CSMD1: variants seen among roughly 807,000 people sequenced by gnomAD.
CSMD1 encodes CUB and Sushi multiple domains 1, also known as CUB and sushi domain-containing protein 1.
Under a neutral mutation model 417.5 loss-of-function variants are expected in CSMD1, and 213 were observed. That is an observed-to-expected ratio of 0.51 (90% CI 0.46 to 0.57). The LOEUF (loss-of-function observed/expected upper bound fraction) is 0.57. Among genes scored for constraint, CSMD1 ranks in the 20% least tolerant of loss-of-function variants. CSMD1 has a pLI of 0.00. For missense variants in CSMD1, 6,923 were observed against 4,529.7 expected, an observed-to-expected ratio of 1.53 and a Z score of -15.17; for synonymous variants, 2,862 against 1,736.8, an observed-to-expected ratio of 1.65 and a Z score of -16.11.
intron 1 of CSMD1, among the ~76,000 whole-genome samples, chr8:4,988,996 T>C (rs1048591153): frequency 6.6e-6 from 1 of 152,222 alleles, no homozygotes; most frequent in African/African-American, 2.4e-5. Context: ...ATAGACATAC[T>C]GGTTAATCAA....
intron 23 of CSMD1, among the ~76,000 whole-genome samples, chr8:3,327,308 A>G (rs960611331): frequency 6.6e-5 from 10 of 152,124 alleles, no homozygotes; most frequent in African/African-American, 2.4e-4. Flanking sequence ...ACATCTGGCT[A>G]ATTTTTTGTA....
intron 2 of CSMD1, among the ~76,000 whole-genome samples, chr8:4,421,699 T>A (rs151109283): frequency 6.6e-6 from 1 of 151,910 alleles, no homozygotes; most frequent in Admixed American, 6.6e-5. Flanking sequence ...GCTGAGAAGG[T>A]AATTAGTCGC....
intron 3 of CSMD1, among the ~76,000 whole-genome samples, chr8:4,221,251 G>A (rs902314610): frequency 1.3e-5 from 2 of 152,148 alleles, no homozygotes; most frequent in South Asian, 4.1e-4. Flanking sequence ...TGTATGAAAT[G>A]TATCAACACC....
chr8:3,181,260 C>G (rs1821305773), intron 36 of CSMD1, 46 bp from the exon 37 acceptor site: 2 of 1,271,538 alleles, frequency 1.6e-6, no homozygotes, highest in African/African-American at 1.5e-5. Context: ...CAAATACATT[C>G]ACTTTTCTAA....
rs533937414 is a variant in CSMD1, at chr8:3,652,037, A to G, written c.1010-35240T>C. ...TACCACCATCAGAGCACTTACTACC[A>G]TCACAGCACCCACCACCATCGCACT... is the stretch of plus-strand genomic sequence containing the variant. On this transcript the variant is annotated intron_variant, in intron 7 of 69. Transcript: ENST00000635120. 1.4e-4 allele frequency among the ~76,000 whole-genome samples: 21 copies of G among 148,730 alleles called. 1 individual carries two copies. Among genetic ancestry groups the G allele is most frequent in the African/African-American group, 5.2e-4 (21 of 40,014 alleles).
At chr8:3,810,150 A>G (rs1157599776) in intron 5 of CSMD1, among the ~76,000 whole-genome samples, 1 of 152,140 alleles carries the variant, frequency 6.6e-6, no homozygotes, top group Admixed American at 6.6e-5. Flanking sequence ...CCAACTGACT[A>G]TCATAGTGCC....
intron 50 of CSMD1, among the ~76,000 whole-genome samples, chr8:3,042,885 T>G (rs116736981): frequency 6.6e-6 from 1 of 151,966 alleles, no homozygotes; most frequent in Non-Finnish European, 1.5e-5. Flanking sequence ...ATAGTGAATA[T>G]AGTATATGGA....
chr8:4,180,658 C>A, intron 3 of CSMD1, among the ~76,000 whole-genome samples: 1 of 152,076 alleles, frequency 6.6e-6, no homozygotes, highest in Non-Finnish European at 1.5e-5. Flanking sequence ...TAATCCTGCC[C>A]TGCCAGCACT....
At chr8:4,350,986 C>G (rs1002183968) in intron 3 of CSMD1, among the ~76,000 whole-genome samples, 1 of 152,088 alleles carries the variant, frequency 6.6e-6, no homozygotes, top group Non-Finnish European at 1.5e-5. Context: ...AATAATTTTG[C>G]CTCTCTGCTT....
chr8:4,036,296 C>T (rs913971557), intron 3 of CSMD1, among the ~76,000 whole-genome samples: 2 of 151,870 alleles, frequency 1.3e-5, no homozygotes, highest in African/African-American at 2.4e-5. Flanking sequence ...TATGGTCAAG[C>T]CTCCCACTTT....
At chr8:3,722,969 A>C (rs1287567646) in intron 6 of CSMD1, among the ~76,000 whole-genome samples, 1 of 152,214 alleles carries the variant, frequency 6.6e-6, no homozygotes, top group Non-Finnish European at 1.5e-5. Context: ...AAGAGCTTAA[A>C]GCAGCATTTT....
At chr8:4,595,074 C>CT (rs1178645030) in intron 2 of CSMD1, among the ~76,000 whole-genome samples, 6 of 151,966 alleles carry the variant, frequency 3.9e-5, no homozygotes, top group Non-Finnish European at 2.9e-5. Context: ...ATAGGTGTGC[C>CT]TTTTTTTATA....
At chr8:3,950,910 A>G (rs983293113) in intron 5 of CSMD1, among the ~76,000 whole-genome samples, 1 of 152,202 alleles carries the variant, frequency 6.6e-6, no homozygotes, top group Non-Finnish European at 1.5e-5. Context: ...AAAAATAAGG[A>G]AAACCAATAT....
Position 3,599,473 on chromosome 8 carries a change from G to C in CSMD1, c.1098-13213C>G, listed in dbSNP as rs569887629. ...AAGCAGCATTATTAACCACAACGCA[G>C]CATTAGTAACCCCAACGCAGAGTTA... On this transcript the variant is annotated intron_variant, in intron 8 of 69. Coordinates refer to ENST00000635120, the MANE Select transcript of CSMD1 (RefSeq NM_033225.6). 3.9e-5 allele frequency among the ~76,000 whole-genome samples: 6 copies of C among 151,924 alleles called. No individual in the cohort carries two copies. In the East Asian group the frequency reaches 9.7e-4, roughly 25 times the overall value.
chr8:4,822,489 G>T (rs1399270183), intron 1 of CSMD1, among the ~76,000 whole-genome samples: 1 of 152,052 alleles, frequency 6.6e-6, no homozygotes, highest in Non-Finnish European at 1.5e-5. Flanking sequence ...ACCCGATGGA[G>T]ATGTTTCTCA....
chr8:4,762,422 G>A (rs1199062894), intron 1 of CSMD1, among the ~76,000 whole-genome samples: 2 of 151,992 alleles, frequency 1.3e-5, no homozygotes, highest in African/African-American at 2.4e-5. Flanking sequence ...ATATTTTCAT[G>A]CTATATCAAA....
intron 2 of CSMD1, among the ~76,000 whole-genome samples, chr8:4,482,938 G>A (rs1801176720): frequency 6.6e-6 from 1 of 152,096 alleles, no homozygotes; most frequent in South Asian, 2.1e-4. Context: ...AGTATGGGAG[G>A]CGTAGGTATA....
chr8:4,695,168 T>TA (rs1807033905), intron 1 of CSMD1, among the ~76,000 whole-genome samples: 1 of 152,104 alleles, frequency 6.6e-6, no homozygotes, highest in Non-Finnish European at 1.5e-5. Flanking sequence ...GGAATACACA[T>TA]ACTCTTTATT....
intron 26 of CSMD1, among the ~76,000 whole-genome samples, chr8:3,248,719 C>G (rs1451801353): frequency 2.6e-5 from 4 of 151,858 alleles, no homozygotes; most frequent in Admixed American, 1.3e-4. Flanking sequence ...TATTTACTGC[C>G]AAACAGCTTT....
Sources: allele counts gnomAD v4.1 joint callset (sites outside exome capture counted in the v4.1 genomes callset), GRCh38; gene constraint gnomAD v4.1.1; transcripts MANE v1.5; gene names NCBI Gene and HGNC (gene_info 2026-07-23, HGNC 2026-07-21).